FAM13A: variants seen among roughly 807,000 people sequenced by gnomAD.
FAM13A encodes the protein family with sequence similarity 13 member A.
In FAM13A, 76 loss-of-function variants were observed where a neutral mutation model predicts 129.6. The observed-to-expected ratio is 0.59, with a 90% confidence interval of 0.49 to 0.71. The LOEUF (loss-of-function observed/expected upper bound fraction) is 0.71. FAM13A is among the 30% of genes least tolerant of loss of function. The pLI is 0.00. For synonymous variants in FAM13A, 443 were observed against 449.9 expected, an observed-to-expected ratio of 0.98 and a Z score of 0.20; for missense variants, 1,108 against 1,249.3, an observed-to-expected ratio of 0.89 and a Z score of 1.70.
At chr4:88,900,378 T>C (rs1747095182) in intron 6 of FAM13A, among the ~76,000 whole-genome samples, 1 of 151,094 alleles carries the variant, frequency 6.6e-6, no homozygotes, top group East Asian at 1.9e-4. Context: ...AAAGAAAAAA[T>C]GTTAAGGGCA....
chr4:88,886,732 C>T (rs1401784356), intron 6 of FAM13A, among the ~76,000 whole-genome samples: 5 of 151,828 alleles, frequency 3.3e-5, no homozygotes, highest in South Asian at 2.1e-4. Flanking sequence ...CATGGTGAAA[C>T]CCCGTCTCTA....
intron 2 of FAM13A, 117 bp downstream of exon 2, chr4:89,029,343 T>G (rs1768390596): frequency 1.2e-6 from 1 of 806,620 alleles, no homozygotes. Flanking sequence ...AACTTAATAT[T>G]CTAATGAAGG....
At chr4:88,789,103 A>C (rs945421074) in intron 9 of FAM13A, among the ~76,000 whole-genome samples, 5 of 152,170 alleles carry the variant, frequency 3.3e-5, no homozygotes, top group African/African-American at 1.2e-4. Context: ...GGATGCCATA[A>C]AATGCATTAC....
chr4:88,962,233 A>G (rs892427225), intron 4 of FAM13A, among the ~76,000 whole-genome samples: 3 of 152,192 alleles, frequency 2.0e-5, no homozygotes, highest in African/African-American at 7.2e-5. Context: ...TTCAAACACA[A>G]TGTTATCACA....
intron 1 of FAM13A, among the ~76,000 whole-genome samples, chr4:89,055,218 G>A (rs1396342747): frequency 1.3e-5 from 2 of 152,002 alleles, no homozygotes; most frequent in Non-Finnish European, 2.9e-5. Flanking sequence ...TTTTTGTCAC[G>A]ATGTTTAAAA....
intron 6 of FAM13A, among the ~76,000 whole-genome samples, chr4:88,858,894 C>T (rs1739004206): frequency 6.6e-6 from 1 of 152,108 alleles, no homozygotes; most frequent in Non-Finnish European, 1.5e-5. Flanking sequence ...TAAATTATAT[C>T]TCAATAAAGC....
intron 11 of FAM13A, among the ~76,000 whole-genome samples, chr4:88,778,142 G>T (rs796143987): frequency 2.6e-5 from 4 of 152,256 alleles, no homozygotes; most frequent in African/African-American, 9.6e-5. Flanking sequence ...TCTCACATTT[G>T]TATCTCTAAG....
chr4:88,951,717 G>C (rs1254584357), intron 4 of FAM13A, among the ~76,000 whole-genome samples: 2 of 152,018 alleles, frequency 1.3e-5, no homozygotes, highest in Non-Finnish European at 2.9e-5. Context: ...TTAAAGTTCT[G>C]TTCCTCTCTC....
intron 2 of FAM13A, among the ~76,000 whole-genome samples, chr4:89,025,141 C>T (rs1180462103): frequency 6.6e-6 from 1 of 150,686 alleles, no homozygotes; most frequent in East Asian, 2.0e-4. Context: ...TACACATGCA[C>T]ATATCCTCTG....
intron 21 of FAM13A, among the ~76,000 whole-genome samples, chr4:88,733,398 A>G (rs1181408017): frequency 1.3e-5 from 2 of 152,252 alleles, no homozygotes; most frequent in Non-Finnish European, 2.9e-5. Context: ...TCAGACCTTG[A>G]GTCTCTTTAA....
chr4:89,030,527 T>C (rs915354782), intron 1 of FAM13A, among the ~76,000 whole-genome samples: 1 of 152,124 alleles, frequency 6.6e-6, no homozygotes, highest in Non-Finnish European at 1.5e-5. Context: ...TGGAGGAAAC[T>C]TCCACTTTCT....
At chr4:88,878,054 C>T (rs1227532455) in intron 6 of FAM13A, among the ~76,000 whole-genome samples, 4 of 152,100 alleles carry the variant, frequency 2.6e-5, no homozygotes, top group South Asian at 2.1e-4. Context: ...ATTGGAAGGG[C>T]CGAGGCGGGC....
chr4:88,752,352 TA>T (rs1742794897), intron 14 of FAM13A, among the ~76,000 whole-genome samples: 1 of 152,156 alleles, frequency 6.6e-6, no homozygotes, highest in Non-Finnish European at 1.5e-5. Flanking sequence ...AGTGCTTCCA[TA>T]AGAGTGGCAA....
At chr4:89,037,913 T>C (rs1282869146) in intron 1 of FAM13A, among the ~76,000 whole-genome samples, 1 of 152,196 alleles carries the variant, frequency 6.6e-6, no homozygotes, top group East Asian at 1.9e-4. Flanking sequence ...CAGCCACAAT[T>C]CCTTACAGCC....
rs567822103 is a variant in FAM13A at position 88,841,487 on chromosome 4, C to T, written c.1007+9533G>A. ...CCAGCCTGGGTGACAGAGTGAGACT[C>T]TGTCTCAAAAAAAAAAAAAAAAAAA... On this transcript the variant is annotated intron_variant, in intron 7 of 23. Transcript: ENST00000264344. Among the ~76,000 whole-genome samples the T allele has an allele frequency of 5.4e-4, 50 of 93,252 alleles. 1 individual carries two copies. In the East Asian group the frequency reaches 0.016, roughly 30 times the overall value. The allele number at this position is 93,252 out of a possible 152,430, so 61.2% of individuals were successfully genotyped here.
chr4:88,887,534 C>CTT (rs1242606768), intron 6 of FAM13A, among the ~76,000 whole-genome samples: 2 of 117,716 alleles, frequency 1.7e-5, no homozygotes, highest in African/African-American at 5.5e-5. Context: ...TTCTTTCTTT[C>CTT]TTTTTTTTTT....
chr4:88,818,976 C>T (rs1156717850), intron 7 of FAM13A, among the ~76,000 whole-genome samples: 2 of 152,142 alleles, frequency 1.3e-5, no homozygotes, highest in Non-Finnish European at 2.9e-5. Flanking sequence ...TTCTAAAGAG[C>T]GATGCTTAGG....
chr4:88,861,082 CT>C (rs1443818495), intron 6 of FAM13A, among the ~76,000 whole-genome samples: 16 of 152,228 alleles, frequency 1.1e-4, no homozygotes, highest in African/African-American at 3.6e-4. Context: ...GCTGCCTCAT[CT>C]GTATAATGAA....
rs1351244946 is a variant in FAM13A, at chr4:88,991,166, A to G, written c.428-16T>C. The G allele has an allele frequency of 6.3e-7, 1 of 1,598,170 alleles. No individual in the cohort carries two copies. The highest frequency in any genetic ancestry group is 2.2e-5 in the East Asian group (1 of 44,738). Reference sequence around the variant, plus strand: ...TTTCTGCCATCTGGAAAAAAAAAGAATAAAAATGTTCTAAGGTATATTTCA... The same window carrying G: ...TTTCTGCCATCTGGAAAAAAAAAGAGTAAAAATGTTCTAAGGTATATTTCA... On this transcript the variant is annotated splice_polypyrimidine_tract_variant and intron_variant, in intron 3 of 23. Transcript: ENST00000264344.
Sources: allele counts gnomAD v4.1 joint callset (sites outside exome capture counted in the v4.1 genomes callset), GRCh38; gene constraint gnomAD v4.1.1; transcripts MANE v1.5; gene names NCBI Gene and HGNC (gene_info 2026-07-23, HGNC 2026-07-21).